Variants in TTN observed in about 807,000 individuals in gnomAD.
TTN encodes titin.
A neutral mutation model predicts 3,223.0 loss-of-function variants in TTN; 1,525 were observed. The observed-to-expected ratio is 0.47, with a 90% CI of 0.45 to 0.49. The LOEUF is 0.49. Among genes scored for constraint, TTN ranks in the 20% least tolerant of loss-of-function variants. TTN has a pLI of 0.00. For synonymous variants in TTN, 14,094 were observed against 15,161.0 expected, an observed-to-expected ratio of 0.93 and a Z score of 5.17; for missense variants, 40,786 against 43,424.0, an observed-to-expected ratio of 0.94 and a Z score of 5.40.
rs747364360 is a variant in TTN, at chr2:178,528,900, G to A, written c.106851C>T (p.Ser35617=). Residue 35617 remains serine, a synonymous_variant, in exon 360 of 363, where the codon AGC becomes AGT. Transcript: ENST00000589042. ...AEIKAFSTQM[S]INEGQRLVLK... ...AAACCAGTCTTTGACCTTCGTTTAT[G>A]CTCATCTGAGTAGAAAATGCTTTAA... 1 of 1,614,016 alleles carries A rather than the reference G, an allele frequency of 6.2e-7. No homozygotes were observed. The highest frequency in any genetic ancestry group is 2.2e-5 in the East Asian group (1 of 44,890).
rs1370122924 is a variant in TTN at position 178,570,527 on chromosome 2, A to G, written c.75605T>C (p.Leu25202Pro). The G allele has an allele frequency of 1.2e-6, 2 of 1,613,216 alleles. No homozygotes were observed. Among genetic ancestry groups the G allele is most frequent in the Admixed American group, 1.7e-5 (1 of 59,944 alleles). ...ERSVTVNVKV[L>P]DRPGPPEGPV... ...TCCTTCAGGTGGCCCTGGTCTGTCA[A>G]GAACCTTGACATTCACAGTAACTGA... Residue 25202 changes from leucine (L) to proline (P), a missense_variant, in exon 326 of 363, where the codon CTT (leucine) becomes CCT (proline). Leu to Pro is a moderately conservative substitution (Grantham distance 98). Transcript: ENST00000589042.
intron 206 of TTN, 56 bp downstream of exon 206, chr2:178,651,610 A>G: frequency 1.2e-6 from 2 of 1,612,068 alleles, no homozygotes; most frequent in East Asian, 2.2e-5. Flanking sequence ...AGAACAGTAG[A>G]ATATGACACT....
chr2:178,644,797 T>C (rs2061680537), intron 217 of TTN, 181 bp from the exon 218 acceptor site: 1 of 492,550 alleles, frequency 2.0e-6, no homozygotes, highest in African/African-American at 2.0e-5. Context: ...GACTGCAGTT[T>C]TACTCCAAAG....
Position 178,544,042 on chromosome 2 carries a change from C to G in TTN, c.96102G>C (p.Leu32034Phe), listed in dbSNP as rs879175066. 2.5e-6 allele frequency: 4 copies of G among 1,613,698 alleles called. No homozygotes were observed. The highest frequency in any genetic ancestry group is 3.4e-6 in the Non-Finnish European group (4 of 1,179,706). ...GTGGTCTTCCAGATACAGACACCAT[C>G]AAGCGCAAGGAGGCCCCAGCCCTGA... ...VTIRAGASLRLMVSVSGRPPP... is the reference protein window; with the variant it reads ...VTIRAGASLRFMVSVSGRPPP... The change falls in exon 346 of 363, where the codon TTG becomes TTC. Residue 32034 changes from leucine (L) to phenylalanine (F), a missense_variant. By Grantham distance (22) the Leu-to-Phe change is conservative. Coordinates refer to ENST00000589042, the MANE Select transcript of TTN (RefSeq NM_001267550.2).
Position 178,768,873 on chromosome 2 carries a change from A to G in TTN, c.8963T>C (p.Phe2988Ser). The change falls in exon 38 of 363, where the codon TTT (phenylalanine) becomes TCT (serine). Residue 2988 changes from phenylalanine (F) to serine (S), a missense_variant. Physicochemically the swap from Phe to Ser is radical, Grantham distance 155. Transcript: ENST00000589042. ...INAEEKDTIT[F>S]EVTVNYEGIS... The stretch of plus-strand genomic sequence containing the variant: ...GCCTTCATAGTTCACTGTCACCTCA[A>G]AAGTAATAGTGTCTTTTTCTTCAGC... The G allele has an allele frequency of 1.9e-6, 3 of 1,614,100 alleles. No homozygotes were observed. Among genetic ancestry groups the G allele is most frequent in the Non-Finnish European group, 1.7e-6 (2 of 1,179,998 alleles).
rs1054308825 is a variant in TTN at position 178,536,801 on chromosome 2, A to G, written c.100171+137T>C. 6 of 887,768 alleles carry G rather than the reference A, an allele frequency of 6.8e-6. No individual in the cohort carries two copies. The East Asian group carries it at 1.1e-4, about 16-fold the overall frequency. The allele number at this position is 887,768 out of a possible 1,614,324, so 55.0% of individuals were successfully genotyped here. The stretch of plus-strand genomic sequence containing the variant: ...CTCCTTTTAGATATGCAAACATTCA[A>G]TTAAAGTGAAAGAAAAGGCACTTGT... On this transcript the variant is annotated intron_variant, in intron 356 of 362. Transcript: ENST00000589042.
intron 165 of TTN, 116 bp from the exon 166 acceptor site, chr2:178,665,042 G>T (rs1360649458): frequency 4.9e-6 from 6 of 1,231,628 alleles, no homozygotes; most frequent in Non-Finnish European, 6.8e-6. Flanking sequence ...TCCTCCCTTT[G>T]TTCCACCAAT....
chr2:178,729,297 C>T lies in TTN; in HGVS notation c.18859G>A (p.Ala6287Thr). Reference protein sequence around the residue: ...GGSCSCSTRVALKEPPSFIKK... With the variant: ...GGSCSCSTRVTLKEPPSFIKK... ...TTCTTGTATAACTGACCTTTCAGGG[C>T]AACTCTAGTACTGCATGAGCAGCTG... Residue 6287 changes from alanine to threonine, a missense_variant, in exon 64 of 363, where the codon GCC (alanine) becomes ACC (threonine). By Grantham distance (58) the Ala-to-Thr change is moderately conservative. Transcript: ENST00000589042. 1 of 1,594,072 alleles carries T rather than the reference C, an allele frequency of 6.3e-7. No homozygotes were observed. The highest frequency in any genetic ancestry group is 8.6e-7 in the Non-Finnish European group (1 of 1,168,494).
At position 178,799,914 on chromosome 2, in the gene TTN, T is replaced by C. The variant is rs868433615; in HGVS notation, c.584-4A>G. 6.2e-7 allele frequency: 1 copy of C among 1,613,814 alleles called. No homozygotes were observed. The highest frequency in any genetic ancestry group is 1.7e-5 in the Admixed American group (1 of 59,994). ...TTAGCAGGTACTTCTTCTTCACCTG[T>C]GGGAAGGGAAAGATGAATGTTTGGG... On this transcript the variant is annotated splice_polypyrimidine_tract_variant and splice_region_variant and intron_variant, in intron 4 of 362. Coordinates refer to ENST00000589042, the MANE Select transcript of TTN (RefSeq NM_001267550.2).
At chr2:178,724,195 C>A (rs2078941188) in intron 72 of TTN, 52 bp from the exon 73 acceptor site, 1 of 1,582,070 alleles carries the variant, frequency 6.3e-7, no homozygotes. Flanking sequence ...ATAGAAGAGA[C>A]TTGAAAGAAG....
At position 178,784,272 on chromosome 2, in the gene TTN, G is replaced by A. The variant is rs772294126; in HGVS notation, c.2573C>T (p.Ser858Leu). 26 of 1,613,980 alleles carry A rather than the reference G, an allele frequency of 1.6e-5. No individual in the cohort carries two copies. The Admixed American group carries it at 3.0e-4, about 19-fold the overall frequency. The change falls in exon 16 of 363, where the codon TCG becomes TTG. Residue 858 changes from serine (S) to leucine (L), a missense_variant. Coordinates refer to ENST00000589042, the MANE Select transcript of TTN (RefSeq NM_001267550.2). ...ATSSAQKITK[S>L]VKAPTVKPSE... Reference sequence around the variant, plus strand: ...GGGCTTCACAGTAGGAGCCTTCACCGATTTGGTGATCTTCTGAGCAGAAGA... The same window carrying A: ...GGGCTTCACAGTAGGAGCCTTCACCAATTTGGTGATCTTCTGAGCAGAAGA...
Position 178,575,455 on chromosome 2 carries a change from A to G in TTN, c.70677T>C (p.Asp23559=), listed in dbSNP as rs72646890. 3.8e-3 allele frequency: 6,104 copies of G among 1,613,530 alleles called. 19 individuals carry two copies. The highest frequency in any genetic ancestry group is 4.7e-3 in the Non-Finnish European group (5,524 of 1,179,622). ...VSLAWPKPKH[D]GGSKITGYVI... ...CATAGCCAGTGATCTTGCTGCCACC[A>G]TCGTGTTTGGGCTTAGGCCATGCCA... Residue 23559 remains aspartate, a synonymous_variant, in exon 326 of 363, where the codon GAT becomes GAC. Transcript: ENST00000589042. This position sits in a 1 kb window ranked among gnomAD's most constrained non-coding sequence, Gnocchi z 4.0.
In TTN at chr2:178,535,743, A is replaced by G; in HGVS notation, c.100872T>C (p.Asp33624=). 1.9e-6 allele frequency: 3 copies of G among 1,613,610 alleles called. No individual in the cohort carries two copies. Among genetic ancestry groups the G allele is most frequent in the Non-Finnish European group, 2.5e-6 (3 of 1,179,734 alleles). The change falls in exon 358 of 363, where the codon GAT becomes GAC. Residue 33624 remains aspartate, a synonymous_variant. Transcript: ENST00000589042. The part of the protein sequence containing the change: ...SIKIPFSGKP[D]PVITWQKGQD... ...GTCCTTTCTGCCAGGTGATCACAGGATCTGGTTTGCCACTGAAAGGAATCT... is the reference window on the plus strand; with the variant it reads ...GTCCTTTCTGCCAGGTGATCACAGGGTCTGGTTTGCCACTGAAAGGAATCT...
Position 178,568,151 on chromosome 2 carries a change from G to A in TTN, c.77981C>T (p.Pro25994Leu), listed in dbSNP as rs1375270001. 15 of 1,613,530 alleles carry A rather than the reference G, an allele frequency of 9.3e-6. No individual in the cohort carries two copies. The highest frequency in any genetic ancestry group is 1.3e-5 in the Non-Finnish European group (15 of 1,179,612). ...AATGGCTGTGGCAAATGGTGTACCTGGAGGGCCTGGTTCTTTGTAGGGATA... is the reference window on the plus strand; with the variant it reads ...AATGGCTGTGGCAAATGGTGTACCTAGAGGGCCTGGTTCTTTGTAGGGATA... ...AQYPYKEPGP[P>L]GTPFATAISK... The change falls in exon 326 of 363, where the codon CCA (proline) becomes CTA (leucine). Residue 25994 changes from proline (P) to leucine (L), a missense_variant. Physicochemically the swap from Pro to Leu is moderately conservative, Grantham distance 98 (BLOSUM62 -3). Transcript: ENST00000589042.
At position 178,651,675 on chromosome 2, in the gene TTN, G is replaced by C. The variant is rs370770257; in HGVS notation, c.39454C>G (p.Pro13152Ala). Residue 13152 changes from proline to alanine, a missense_variant, in exon 206 of 363, where the codon CCA becomes GCA. By Grantham distance (27) the Pro-to-Ala change is conservative. Coordinates refer to ENST00000589042, the MANE Select transcript of TTN (RefSeq NM_001267550.2). ...AVVAKKPELP[P>A]VKVPEVPKEV... ...TGGCAGTGAGGAATACCTTTCACTGGTGGTAGTTCAGGTTTTTTGGCAACG... is the reference window on the plus strand; with the variant it reads ...TGGCAGTGAGGAATACCTTTCACTGCTGGTAGTTCAGGTTTTTTGGCAACG... 5 of 1,613,230 alleles carry C rather than the reference G, an allele frequency of 3.1e-6. No homozygotes were observed. Among genetic ancestry groups the C allele is most frequent in the Non-Finnish European group, 1.7e-6 (2 of 1,179,572 alleles).
In TTN at chr2:178,537,725, A is replaced by G; in HGVS notation, c.99482T>C (p.Met33161Thr). The change falls in exon 355 of 363, where the codon ATG becomes ACG. Residue 33161 changes from methionine (M) to threonine (T), a missense_variant. Physicochemically the swap from Met to Thr is moderately conservative, Grantham distance 81. Coordinates refer to ENST00000589042, the MANE Select transcript of TTN (RefSeq NM_001267550.2). ...SDGRTHTLTV[M>T]TEEQEDEGVY... Reference sequence around the variant, plus strand: ...ACCTTCATCTTCCTGTTCCTCTGTCATTACTGTAAGAGTGTGTGTGCGTCC... The same window carrying G: ...ACCTTCATCTTCCTGTTCCTCTGTCGTTACTGTAAGAGTGTGTGTGCGTCC... The G allele has an allele frequency of 6.2e-7, 1 of 1,613,768 alleles. No homozygotes were observed. The highest frequency in any genetic ancestry group is 8.5e-7 in the Non-Finnish European group (1 of 1,179,774).
chr2:178,750,746 G>T (rs780444921), intron 47 of TTN: 1 of 1,612,676 alleles, frequency 6.2e-7, no homozygotes, highest in South Asian at 1.1e-5. Context: ...ATTTACAAGT[G>T]TACCAAAAGA....
chr2:178,663,189 T>C (rs2065080379), intron 173 of TTN, 77 bp downstream of exon 173: 2 of 1,587,246 alleles, frequency 1.3e-6, no homozygotes, highest in Admixed American at 3.6e-5. Flanking sequence ...CTTTATGTAG[T>C]AGGATTTTTA....
rs755999830 is a variant in TTN, at chr2:178,599,265, G to T, written c.56528C>A (p.Thr18843Lys). 2.5e-6 allele frequency: 4 copies of T among 1,583,940 alleles called. No homozygotes were observed. The highest frequency in any genetic ancestry group is 2.7e-5 in the African/African-American group (2 of 73,280). ...VHVSSEPKEC[T>K]YTIPKLLEGH... ...TTCTAGCAATTTGGGAATCGTGTAC[G>T]TGCACTCCTTAGGTTCACTGGAGAC... The change falls in exon 290 of 363, where the codon ACG becomes AAG. Residue 18843 changes from threonine to lysine, a missense_variant. Transcript: ENST00000589042.
Sources: gnomAD v4.1 joint callset for allele counts on GRCh38, gnomAD v4.1.1 for gene constraint, Gnocchi (gnomAD v3.1) non-coding constraint, MANE v1.5 for transcripts, NCBI Gene and HGNC (gene_info 2026-07-23, HGNC 2026-07-21) for gene names.